The following DNAJC3 variants were observed in gnomAD, a reference collection of about 807,000 sequenced individuals.
The protein encoded by DNAJC3 is DnaJ heat shock protein family (Hsp40) member C3, also known as dnaJ homolog subfamily C member 3.
A neutral mutation model predicts 68.6 loss-of-function variants in DNAJC3; 38 were observed. The observed-to-expected ratio is 0.55, with a 90% CI of 0.43 to 0.73. The LOEUF is 0.73. Ranked by LOEUF, DNAJC3 falls within the 30% of genes least tolerant of loss-of-function variation. The pLI, the probability that DNAJC3 is intolerant of heterozygous loss-of-function variation, is 0.00. For missense variants in DNAJC3, 526 were observed against 591.9 expected, an observed-to-expected ratio of 0.89 and a Z score of 1.16; for synonymous variants, 203 against 204.0, an observed-to-expected ratio of 1.00 and a Z score of 0.04.
At chr13:95,787,364 G>A (rs1193635049) in intron 11 of DNAJC3, among the ~76,000 whole-genome samples, 1 of 152,184 alleles carries the variant, frequency 6.6e-6, no homozygotes, top group East Asian at 1.9e-4. Flanking sequence ...ACTATCAAAT[G>A]TGGAATCAGA....
chr13:95,689,275 T>G (rs907167841), intron 1 of DNAJC3, among the ~76,000 whole-genome samples: 3 of 151,984 alleles, frequency 2.0e-5, no homozygotes, highest in Admixed American at 1.3e-4. Flanking sequence ...TTTGATTTTA[T>G]TGCTCATTAT....
chr13:95,695,160 T>G (rs1880401256), intron 1 of DNAJC3: 1 of 152,214 alleles, frequency 6.6e-6, no homozygotes. Flanking sequence ...TTCTCCACCT[T>G]TTATTCTTGC....
At chr13:95,778,290 C>A (rs1417786518) in intron 9 of DNAJC3, among the ~76,000 whole-genome samples, 2 of 152,152 alleles carry the variant, frequency 1.3e-5, no homozygotes, top group South Asian at 2.1e-4. Context: ...GTAACCAAAG[C>A]CCTTTGGTAC....
In DNAJC3 at chr13:95,787,037, A is replaced by C; in HGVS notation, c.1239A>C (p.Ala413=). ...RNAKKQEIIK[A]YRKLALQWHP... ...CCAAAAAGCAAGAAATTATTAAAGCATACCGAAAATTAGCACTGCAGTGGC... is the reference window on the plus strand; with the variant it reads ...CCAAAAAGCAAGAAATTATTAAAGCCTACCGAAAATTAGCACTGCAGTGGC... The change falls in exon 11 of 12, where the codon GCA becomes GCC. Residue 413 remains alanine (A), a synonymous_variant. Transcript: ENST00000602402. 1 of 1,611,448 alleles carries C rather than the reference A, an allele frequency of 6.2e-7. No individual in the cohort carries two copies.
In DNAJC3 at chr13:95,692,164, T is replaced by C. The variant is rs192357936; in HGVS notation, c.82+14827T>C. Among the ~76,000 whole-genome samples the C allele has an allele frequency of 1.3e-3, 195 of 152,262 alleles. 1 individual carries two copies. Among genetic ancestry groups the C allele is most frequent in the African/African-American group, 4.4e-3 (181 of 41,524 alleles). On this transcript the variant is annotated intron_variant, in intron 1 of 11. Transcript: ENST00000602402. The stretch of plus-strand genomic sequence containing the variant: ...GGAGAGGGACAATTTGGACTTTTTT[T>C]GAGTTTATTGAAACTTTCCATGGCC...
At chr13:95,717,989 G>A (rs902610266) in intron 2 of DNAJC3, among the ~76,000 whole-genome samples, 1 of 152,182 alleles carries the variant, frequency 6.6e-6, no homozygotes, top group Non-Finnish European at 1.5e-5. Context: ...GATAGTAGTT[G>A]TATTGTTTTA....
intron 1 of DNAJC3, among the ~76,000 whole-genome samples, chr13:95,697,266 T>G (rs891923143): frequency 2.6e-5 from 4 of 152,244 alleles, no homozygotes; most frequent in Admixed American, 2.6e-4. Context: ...ACTTCGTTTC[T>G]CTTTCGTTTA....
chr13:95,766,382 C>T (rs1882993461), intron 9 of DNAJC3, among the ~76,000 whole-genome samples: 1 of 152,176 alleles, frequency 6.6e-6, no homozygotes. Flanking sequence ...CAGATCGCTA[C>T]ATGTCTCTGT....
At chr13:95,690,561 G>A (rs1246393516) in intron 1 of DNAJC3, among the ~76,000 whole-genome samples, 11 of 151,250 alleles carry the variant, frequency 7.3e-5, no homozygotes, top group Non-Finnish European at 4.4e-5. Context: ...AGTAGGGGCG[G>A]CCGGGCAGAG....
intron 1 of DNAJC3, among the ~76,000 whole-genome samples, chr13:95,682,807 A>G (rs1412587404): frequency 6.6e-6 from 1 of 152,232 alleles, no homozygotes; most frequent in Non-Finnish European, 1.5e-5. Flanking sequence ...GTCTTTATGA[A>G]TCATTGATCA....
At chr13:95,743,171 G>T (rs1882201164) in intron 4 of DNAJC3, among the ~76,000 whole-genome samples, 1 of 152,150 alleles carries the variant, frequency 6.6e-6, no homozygotes, top group East Asian at 1.9e-4. Context: ...GCACTCTGTT[G>T]ATTACTATAG....
intron 1 of DNAJC3, among the ~76,000 whole-genome samples, chr13:95,680,549 C>G (rs1214648404): frequency 6.6e-6 from 1 of 152,078 alleles, no homozygotes; most frequent in Non-Finnish European, 1.5e-5. Context: ...AAGGTGGTCA[C>G]ATATTTTCTA....
At chr13:95,784,420 T>C (rs963572557) in intron 9 of DNAJC3, among the ~76,000 whole-genome samples, 3 of 151,976 alleles carry the variant, frequency 2.0e-5, no homozygotes, top group African/African-American at 7.2e-5. Context: ...CCAGGACTTC[T>C]CTCCCTGTGA....
chr13:95,699,180 ATTCT>A, intron 1 of DNAJC3, among the ~76,000 whole-genome samples: 2 of 152,344 alleles, frequency 1.3e-5, no homozygotes, highest in Middle Eastern at 6.8e-3. Flanking sequence ...ATAATAATTA[ATTCT>A]CTCTGGATGA....
At chr13:95,719,598 C>T (rs558496289) in intron 2 of DNAJC3, among the ~76,000 whole-genome samples, 30 of 152,254 alleles carry the variant, frequency 2.0e-4, no homozygotes, top group African/African-American at 6.5e-4. Flanking sequence ...AGTAATCACT[C>T]CAGAGATCCC....
At chr13:95,758,617 C>CAA (rs34861867) in intron 5 of DNAJC3, among the ~76,000 whole-genome samples, 6 of 137,050 alleles carry the variant, frequency 4.4e-5, no homozygotes, top group African/African-American at 1.1e-4. Flanking sequence ...GACTCCGTCT[C>CAA]AAAAAAAAAA....
At chr13:95,693,529 C>T (rs1056388128) in intron 1 of DNAJC3, 1 of 152,082 alleles carries the variant, frequency 6.6e-6, no homozygotes, top group African/African-American at 2.4e-5. Flanking sequence ...TTCTTATCAG[C>T]AATAGTATTA....
chr13:95,743,829 G>T (rs57941373), intron 4 of DNAJC3, among the ~76,000 whole-genome samples: 1 of 152,192 alleles, frequency 6.6e-6, no homozygotes, highest in African/African-American at 2.4e-5. Context: ...AAAGTGCTGG[G>T]ATTATGGGCC....
At position 95,779,325 on chromosome 13, in the gene DNAJC3, C is replaced by T. The variant is rs186923162; in HGVS notation, c.1076-6614C>T. Among the ~76,000 whole-genome samples the T allele has an allele frequency of 3.6e-4, 54 of 151,938 alleles. No individual in the cohort carries two copies. In the East Asian group the frequency reaches 8.5e-3, roughly 24 times the overall value. ...TTTTTTAGTAGAGACGGGGTTTCAC[C>T]GTGTTAGCCAGGATGGTCTCGATCT... On this transcript the variant is annotated intron_variant, in intron 9 of 11. Transcript: ENST00000602402.
Sources: allele counts gnomAD v4.1 joint callset (sites outside exome capture counted in the v4.1 genomes callset), GRCh38; gene constraint gnomAD v4.1.1; transcripts MANE v1.5; gene names NCBI Gene and HGNC (gene_info 2026-07-23, HGNC 2026-07-21).